Variants in TRIM3 observed in about 807,000 individuals in gnomAD.
TRIM3 encodes tripartite motif containing 3.
Under a neutral mutation model 66.6 loss-of-function variants are expected in TRIM3, and 13 were observed. The ratio of observed to expected loss-of-function variants is 0.20; its 90% CI spans 0.13 to 0.31. The LOEUF (loss-of-function observed/expected upper bound fraction) is 0.31, where lower values mean the gene tolerates loss of function less well. TRIM3 is among the 10% of genes least tolerant of loss of function. The probability of loss-of-function intolerance (pLI) is 1.00; values close to 1 mark genes in which losing one functional copy is unlikely to be tolerated. For synonymous variants in TRIM3, 406 were observed against 411.7 expected, an observed-to-expected ratio of 0.99 and a Z score of 0.17; for missense variants, 711 against 1,020.4, an observed-to-expected ratio of 0.70 and a Z score of 4.13.
At chr11:6,464,007 GA>G (rs962215847) in intron 2 of TRIM3, among the ~76,000 whole-genome samples, 2 of 152,212 alleles carry the variant, frequency 1.3e-5, no homozygotes, top group Non-Finnish European at 2.9e-5. Context: ...GAAGGCAGAG[GA>G]AAAGTGCGGA....
chr11:6,463,553 AG>A lies in TRIM3; in HGVS notation c.131+2011del, dbSNP rs113523380. Among the ~76,000 whole-genome samples the A allele has an allele frequency of 3.2e-3, 482 of 152,352 alleles. 2 individuals carry two copies. Among genetic ancestry groups the A allele is most frequent in the African/African-American group, 0.01 (421 of 41,580 alleles). On this transcript the variant is annotated intron_variant, in intron 2 of 11. Transcript: ENST00000345851. Reference sequence around the variant, plus strand: ...GATGTGAAGGAACTGCAGGGGAGCCAGTCGGTCAGCCACAGGGTCCAGGATG... The same window carrying A: ...GATGTGAAGGAACTGCAGGGGAGCCATCGGTCAGCCACAGGGTCCAGGATG...
chr11:6,456,817 G>T lies in TRIM3; in HGVS notation c.909C>A (p.Asp303Glu), dbSNP rs769302628. The change falls in exon 6 of 12, where the codon GAC becomes GAA. Residue 303 changes from aspartate (D) to glutamate (E), a missense_variant. Around this residue, in one of 3 missense-constraint regions of TRIM3, gnomAD observed 399 missense variants for 458.1 expected, o/e 0.87. Transcript: ENST00000345851. This position sits in a 1 kb window ranked among gnomAD's most constrained non-coding sequence, Gnocchi z 6.4. ...NAQLELVLEVDGLRRSVLNLG... is the reference protein window; with the variant it reads ...NAQLELVLEVEGLRRSVLNLG... The stretch of plus-strand genomic sequence containing the variant: ...GATTGAGCACCGATCGCCGCAGACC[G>T]TCCACCTCAAGGACCAGTTCCAGCT... The T allele has an allele frequency of 6.2e-7, 1 of 1,612,798 alleles. No homozygotes were observed. Among genetic ancestry groups the T allele is most frequent in the Non-Finnish European group, 8.5e-7 (1 of 1,179,964 alleles).
At position 6,473,910 on chromosome 11, in the gene TRIM3, G is replaced by GCGC. The variant is rs763436861; in HGVS notation, c.-160_-158dup. 3.1e-3 allele frequency: 468 copies of GCGC among 152,142 alleles called. No individual in the cohort carries two copies. Among genetic ancestry groups the GCGC allele is most frequent in the South Asian group, 0.012 (60 of 5,016 alleles). The allele number at this position is 152,142 out of a possible 1,614,324, so 9.4% of individuals were successfully genotyped here. A position where few individuals can be genotyped will look rare whatever the true frequency, so the allele number is the denominator to read the frequency against. On this transcript the variant is annotated 5_prime_UTR_variant, in exon 1 of 12. Coordinates refer to ENST00000345851, the MANE Select transcript of TRIM3 (RefSeq NM_033278.4). ...CCTGCCCGCGCCTCCGCCTGTCCCC[G>GCGC]CGCCGGCGCCGCCGCCGGACTAGCC...
At chr11:6,461,814 T>C (rs887084427) in intron 2 of TRIM3, among the ~76,000 whole-genome samples, 1 of 152,180 alleles carries the variant, frequency 6.6e-6, no homozygotes, top group Non-Finnish European at 1.5e-5. Context: ...ATTCTCTCCA[T>C]AACAGCTAGG....
intron 7 of TRIM3, among the ~76,000 whole-genome samples, chr11:6,455,037 C>G (rs1029609069): frequency 6.6e-6 from 1 of 152,208 alleles, no homozygotes; most frequent in African/African-American, 2.4e-5. Context: ...CTGACCTCAG[C>G]TACCCCTGGC....
chr11:6,449,384 C>T lies in TRIM3; in HGVS notation c.2004G>A (p.Gln668=). 6.2e-7 allele frequency: 1 copy of T among 1,614,108 alleles called. No individual in the cohort carries two copies. The highest frequency in any genetic ancestry group is 8.5e-7 in the Non-Finnish European group (1 of 1,179,956). The part of the protein sequence containing the change: ...KFGSHGEGNG[Q]FNAPTGVAVD... ...CAGCTACTCCTGTGGGGGCATTGAA[C>T]TGCCCATTGCCCTCGCCATGGGAGC... The change falls in exon 11 of 12, where the codon CAG becomes CAA. Residue 668 remains glutamine, a synonymous_variant. Coordinates refer to ENST00000345851, the MANE Select transcript of TRIM3 (RefSeq NM_033278.4). This position sits in a 1 kb window ranked among gnomAD's most constrained non-coding sequence, Gnocchi z 5.3.
At chr11:6,469,236 T>C (rs1850587435) in intron 1 of TRIM3, among the ~76,000 whole-genome samples, 1 of 152,112 alleles carries the variant, frequency 6.6e-6, no homozygotes, top group Non-Finnish European at 1.5e-5. Flanking sequence ...GCTCCACCTC[T>C]CTCCAAGCCT....
At position 6,457,931 on chromosome 11, in the gene TRIM3, C is replaced by G; in HGVS notation, c.364-84G>C. ...CCCACCTGCCCTCCCTGCCCCTCAC[C>G]TTCTAAGTGCACCCCCTACCTGGAC... On this transcript the variant is annotated intron_variant, in intron 3 of 11. Coordinates refer to ENST00000345851, the MANE Select transcript of TRIM3 (RefSeq NM_033278.4). This position sits in a 1 kb window ranked among gnomAD's most constrained non-coding sequence, Gnocchi z 4.5. The G allele has an allele frequency of 6.3e-7, 1 of 1,576,932 alleles. No individual in the cohort carries two copies.
chr11:6,456,453 G>A lies in TRIM3; in HGVS notation c.1273C>T (p.Pro425Ser), dbSNP rs1220538663. The A allele has an allele frequency of 1.3e-6, 2 of 1,537,178 alleles. No homozygotes were observed. The highest frequency in any genetic ancestry group is 1.4e-5 in the African/African-American group (1 of 72,700). Reference protein sequence around the residue: ...RVRALRPGDLPPSPDDVKRRV... With the variant: ...RVRALRPGDLSPSPDDVKRRV... ...CGCTTCACATCGTCCGGGGAAGGTG[G>A]CAGGTCCCCCGGACGCAGGGCACGC... Residue 425 changes from proline to serine, a missense_variant, in exon 6 of 12, where the codon CCA (proline) becomes TCA (serine). This residue lies in a region of TRIM3 where 399 missense variants were observed against 458.1 expected (regional missense o/e 0.87). Coordinates refer to ENST00000345851, the MANE Select transcript of TRIM3 (RefSeq NM_033278.4). This position sits in a 1 kb window ranked among gnomAD's most constrained non-coding sequence, Gnocchi z 6.4.
intron 2 of TRIM3, among the ~76,000 whole-genome samples, chr11:6,463,234 A>C (rs983631467): frequency 1.3e-5 from 2 of 152,108 alleles, no homozygotes; most frequent in Admixed American, 1.3e-4. Context: ...CAAAAAACAA[A>C]CCAAAAAAAA....
chr11:6,463,128 C>G (rs1850315005), intron 2 of TRIM3, among the ~76,000 whole-genome samples: 1 of 152,002 alleles, frequency 6.6e-6, no homozygotes, highest in Admixed American at 6.6e-5. Flanking sequence ...TCACTTGAAC[C>G]CAGGAGGCAG....
intron 2 of TRIM3, among the ~76,000 whole-genome samples, chr11:6,464,283 T>C (rs561673882): frequency 6.6e-6 from 1 of 152,280 alleles, no homozygotes; most frequent in Non-Finnish European, 1.5e-5. Flanking sequence ...CCAGGCTTCC[T>C]CCAGGCCTCT....
intron 7 of TRIM3, chr11:6,452,553 G>A (rs2134163394): frequency 6.8e-6 from 1 of 147,258 alleles, no homozygotes; most frequent in African/African-American, 2.5e-5. Context: ...TAGTCCTGCA[G>A]GGCTGTTTAA....
In TRIM3 at chr11:6,457,438, C is replaced by A; in HGVS notation, c.554G>T (p.Gly185Val). 6.2e-7 allele frequency: 1 copy of A among 1,613,228 alleles called. No individual in the cohort carries two copies. The highest frequency in any genetic ancestry group is 8.5e-7 in the Non-Finnish European group (1 of 1,180,016). ...GCGCTCCTGCAGCTGCTGGCTGATGCCCCCGACTAAGGCAATTGCTGCGGA... is the reference window on the plus strand; with the variant it reads ...GCGCTCCTGCAGCTGCTGGCTGATGACCCCGACTAAGGCAATTGCTGCGGA... ...QLSAAIALVG[G>V]ISQQLQERKA... is the part of the protein sequence containing the mutation. Residue 185 changes from glycine (G) to valine (V), a missense_variant, in exon 5 of 12, where the codon GGC becomes GTC. Gly to Val is a moderately radical substitution (Grantham distance 109). Transcript: ENST00000345851. This position sits in a 1 kb window ranked among gnomAD's most constrained non-coding sequence, Gnocchi z 4.5.
intron 1 of TRIM3, among the ~76,000 whole-genome samples, chr11:6,466,498 C>T (rs1934902377): frequency 6.6e-6 from 1 of 152,052 alleles, no homozygotes; most frequent in Non-Finnish European, 1.5e-5. Flanking sequence ...ATCCATTGTC[C>T]AAAGTCCTTA....
At chr11:6,452,811 C>T (rs1849788251) in intron 7 of TRIM3, 1 of 152,210 alleles carries the variant, frequency 6.6e-6, no homozygotes, top group Admixed American at 6.5e-5. Flanking sequence ...TGGCTCAATA[C>T]TGATGAGGCT....
intron 7 of TRIM3, chr11:6,452,224 C>T (rs903471935): frequency 1.3e-5 from 2 of 152,278 alleles, no homozygotes; most frequent in African/African-American, 4.8e-5. Flanking sequence ...GTGAACCTTT[C>T]AACCTCTCCC....
intron 7 of TRIM3, 106 bp downstream of exon 7, chr11:6,455,966 T>G (rs1407998225): frequency 1.0e-6 from 1 of 1,002,648 alleles, no homozygotes; most frequent in Non-Finnish European, 1.5e-6. Context: ...GTACTATCTG[T>G]AGGGTTCCAT....
Position 6,456,021 on chromosome 11 carries a change from A to C in TRIM3, c.1533+51T>G. 1.3e-6 allele frequency: 2 copies of C among 1,552,738 alleles called. No homozygotes were observed. Among genetic ancestry groups the C allele is most frequent in the Non-Finnish European group, 1.8e-6 (2 of 1,124,636 alleles). On this transcript the variant is annotated intron_variant, in intron 7 of 11. Coordinates refer to ENST00000345851, the MANE Select transcript of TRIM3 (RefSeq NM_033278.4). This position sits in a 1 kb window ranked among gnomAD's most constrained non-coding sequence, Gnocchi z 6.4. ...ACATTCTATCTTTTCAGTAGCCTGTAGCTTGAAAACTCTTATTTTGGTGGT... is the reference window on the plus strand; with the variant it reads ...ACATTCTATCTTTTCAGTAGCCTGTCGCTTGAAAACTCTTATTTTGGTGGT...
Sources: gnomAD v4.1 joint callset for allele counts (sites outside exome capture counted in the v4.1 genomes callset) on GRCh38, gnomAD v4.1.1 for gene constraint, gnomAD v4.1.1 regional missense constraint, Gnocchi (gnomAD v3.1) non-coding constraint, MANE v1.5 for transcripts, NCBI Gene and HGNC (gene_info 2026-07-23, HGNC 2026-07-21) for gene names.